The following PTPRR variants were observed in gnomAD, a reference collection of about 807,000 sequenced individuals.
PTPRR encodes the protein receptor-type tyrosine-protein phosphatase R.
PTPRR carries 38 observed loss-of-function variants against 77.2 expected under a neutral mutation model. The ratio of observed to expected loss-of-function variants is 0.49; its 90% CI spans 0.38 to 0.65. The LOEUF (loss-of-function observed/expected upper bound fraction) is 0.65. Ranked by LOEUF, PTPRR falls within the 30% of genes least tolerant of loss-of-function variation. The pLI is 0.00. For synonymous variants in PTPRR, 299 were observed against 283.1 expected, an observed-to-expected ratio of 1.06 and a Z score of -0.57; for missense variants, 744 against 799.2, an observed-to-expected ratio of 0.93 and a Z score of 0.83.
chr12:70,744,282 A>G (rs1286555900), intron 6 of PTPRR, among the ~76,000 whole-genome samples: 3 of 152,226 alleles, frequency 2.0e-5, no homozygotes, highest in African/African-American at 7.2e-5. Flanking sequence ...CCTGACTCCC[A>G]GTTAGCCTTA....
chr12:70,787,534 A>G (rs1009644109), intron 2 of PTPRR, among the ~76,000 whole-genome samples: 4 of 152,208 alleles, frequency 2.6e-5, no homozygotes, highest in African/African-American at 9.7e-5. Context: ...ATTAAAAGCT[A>G]TATAAGCAAT....
chr12:70,768,710 AG>A (rs1890891589), intron 2 of PTPRR, among the ~76,000 whole-genome samples: 1 of 152,224 alleles, frequency 6.6e-6, no homozygotes, highest in Admixed American at 6.5e-5. Context: ...CAACAAAAAA[AG>A]AGAATTTTAG....
chr12:70,761,365 A>G lies in PTPRR; in HGVS notation c.627+106T>C, dbSNP rs551473112. On this transcript the variant is annotated intron_variant, in intron 4 of 13. Coordinates refer to ENST00000283228, the MANE Select transcript of PTPRR (RefSeq NM_002849.4). ...CACTCAGGGAAATTTTTATTATCAA[A>G]TAACATACAATAAACAACTTCCATC... is the stretch of plus-strand genomic sequence containing the variant. 4 of 1,074,940 alleles carry G rather than the reference A, an allele frequency of 3.7e-6. No homozygotes were observed. The South Asian group carries it at 9.3e-5, about 25-fold the overall frequency. The allele number at this position is 1,074,940 out of a possible 1,614,324, so 66.6% of individuals were successfully genotyped here. A position where few individuals can be genotyped will look rare whatever the true frequency, so the allele number is the denominator to read the frequency against.
chr12:70,908,118 C>T (rs1373126568), intron 1 of PTPRR, among the ~76,000 whole-genome samples: 1 of 152,158 alleles, frequency 6.6e-6, no homozygotes. Context: ...AAAAACTGGG[C>T]TCCAATTTTA....
At chr12:70,907,753 T>G (rs550744508) in intron 1 of PTPRR, among the ~76,000 whole-genome samples, 12 of 152,298 alleles carry the variant, frequency 7.9e-5, no homozygotes, top group African/African-American at 2.9e-4. Context: ...CCAGCTGAGG[T>G]ATAGCAATCA....
intron 1 of PTPRR, among the ~76,000 whole-genome samples, chr12:70,916,737 A>G (rs1231607775): frequency 6.6e-6 from 1 of 152,186 alleles, no homozygotes; most frequent in East Asian, 1.9e-4. Flanking sequence ...ATCACCTCCC[A>G]GATCTTCTTG....
At chr12:70,757,334 T>C (rs535939068) in intron 4 of PTPRR, among the ~76,000 whole-genome samples, 2 of 152,192 alleles carry the variant, frequency 1.3e-5, no homozygotes, top group Non-Finnish European at 2.9e-5. Flanking sequence ...ACAACAAAAT[T>C]CCTGAATCAT....
chr12:70,853,121 A>G (rs75488011), intron 2 of PTPRR, among the ~76,000 whole-genome samples: 4,358 of 152,298 alleles, frequency 0.029, 103 homozygotes, highest in Non-Finnish European at 0.045. Context: ...AGGAACACAA[A>G]AGAGATTATC....
chr12:70,799,773 C>T lies in PTPRR; in HGVS notation c.358-34995G>A, dbSNP rs867732274. ...TATAAAATAAGCCCAGTCCAAGCCC[C>T]GTTTTTTAAATTTACAGCATCCACA... On this transcript the variant is annotated intron_variant, in intron 2 of 13. Transcript: ENST00000283228. 2.0e-5 allele frequency among the ~76,000 whole-genome samples: 3 copies of T among 152,076 alleles called. No individual in the cohort carries two copies. The South Asian group carries it at 6.2e-4, about 32-fold the overall frequency.
chr12:70,901,601 AATC>A (rs1196356564), intron 1 of PTPRR, among the ~76,000 whole-genome samples: 1 of 151,748 alleles, frequency 6.6e-6, no homozygotes, highest in Admixed American at 6.6e-5. Flanking sequence ...TTTATACAAA[AATC>A]AACTCAAGAT....
intron 13 of PTPRR, among the ~76,000 whole-genome samples, chr12:70,643,261 G>A (rs1886073834): frequency 2.0e-5 from 3 of 151,968 alleles, no homozygotes; most frequent in African/African-American, 7.3e-5. Flanking sequence ...AGCCTCCCAA[G>A]TAGCTGGGAT....
At chr12:70,659,294 C>A (rs570692247) in intron 12 of PTPRR, among the ~76,000 whole-genome samples, 7 of 152,052 alleles carry the variant, frequency 4.6e-5, no homozygotes, top group African/African-American at 1.7e-4. Flanking sequence ...TGGGGGAATG[C>A]GGTATGTGTG....
chr12:70,872,332 C>T (rs1030458844), intron 2 of PTPRR, among the ~76,000 whole-genome samples: 6 of 152,032 alleles, frequency 3.9e-5, no homozygotes, highest in African/African-American at 1.2e-4. Context: ...GCCTTGCATA[C>T]AATATATTGC....
At chr12:70,867,184 G>A (rs1392924800) in intron 2 of PTPRR, among the ~76,000 whole-genome samples, 1 of 151,458 alleles carries the variant, frequency 6.6e-6, no homozygotes, top group Non-Finnish European at 1.5e-5. Flanking sequence ...TGGAAGTTCT[G>A]GCCAGGGCAA....
chr12:70,822,352 G>C (rs1266019887), intron 2 of PTPRR, among the ~76,000 whole-genome samples: 1 of 152,166 alleles, frequency 6.6e-6, no homozygotes, highest in African/African-American at 2.4e-5. Flanking sequence ...ACGTTTTTCT[G>C]CATTTGTAGA....
chr12:70,724,578 G>A (rs1286182456), intron 6 of PTPRR, among the ~76,000 whole-genome samples: 2 of 152,152 alleles, frequency 1.3e-5, no homozygotes, highest in Non-Finnish European at 2.9e-5. Flanking sequence ...CAGTGCTACT[G>A]CTACCCTTGT....
chr12:70,754,075 A>C (rs912065372), intron 5 of PTPRR, 116 bp downstream of exon 5: 1 of 965,212 alleles, frequency 1.0e-6, no homozygotes, highest in Non-Finnish European at 1.5e-6. Context: ...ATCTAGCAGG[A>C]TCATAGTCTT....
intron 1 of PTPRR, among the ~76,000 whole-genome samples, chr12:70,905,842 A>G (rs993269975): frequency 2.6e-5 from 4 of 151,976 alleles, no homozygotes; most frequent in African/African-American, 9.7e-5. Flanking sequence ...AAAGTGAACA[A>G]TCAAAAAAAG....
intron 6 of PTPRR, among the ~76,000 whole-genome samples, chr12:70,736,574 C>T (rs527371094): frequency 1.3e-5 from 2 of 152,182 alleles, no homozygotes; most frequent in Non-Finnish European, 2.9e-5. Context: ...CTTATACTCT[C>T]TGAGCATGAG....
Sources: allele counts gnomAD v4.1 joint callset (sites outside exome capture counted in the v4.1 genomes callset), GRCh38; gene constraint gnomAD v4.1.1; transcripts MANE v1.5; gene names NCBI Gene and HGNC (gene_info 2026-07-23, HGNC 2026-07-21).